FOXK1: variants seen among roughly 807,000 people sequenced by gnomAD.
FOXK1 encodes forkhead box protein K1.
FOXK1 carries 19 observed loss-of-function variants against 51.9 expected under a neutral mutation model. That is an observed-to-expected ratio of 0.37 (90% CI 0.26 to 0.54). The LOEUF (loss-of-function observed/expected upper bound fraction) is 0.54. FOXK1 is among the 20% of genes least tolerant of loss of function. The pLI is 0.87. For synonymous variants in FOXK1, 537 were observed against 482.6 expected, an observed-to-expected ratio of 1.11 and a Z score of -1.48; for missense variants, 870 against 1,032.7, an observed-to-expected ratio of 0.84 and a Z score of 2.16.
chr7:4,757,474 T>C (rs1015128933), intron 5 of FOXK1, among the ~76,000 whole-genome samples: 1 of 150,946 alleles, frequency 6.6e-6, no homozygotes, highest in African/African-American at 2.4e-5. Context: ...ACTAAAAAAA[T>C]TCAAAATTAG....
chr7:4,730,436 G>A lies in FOXK1; in HGVS notation c.561-10402G>A, dbSNP rs577576046. Among the ~76,000 whole-genome samples the A allele has an allele frequency of 6.6e-6, 1 of 152,230 alleles. No homozygotes were observed. The highest frequency in any genetic ancestry group is 1.5e-5 in the Non-Finnish European group (1 of 68,032). ...GCATGGACCCAAAAGTGGAGTCACG[G>A]TTGCAGCTCTGGTTCCTGGAGGAGG... On this transcript the variant is annotated intron_variant, in intron 1 of 8. Transcript: ENST00000328914. The surrounding 1 kb of genome is among the most constrained non-coding windows in gnomAD (Gnocchi z 4.7).
chr7:4,722,093 G>A lies in FOXK1; in HGVS notation c.561-18745G>A, dbSNP rs550876569. Among the ~76,000 whole-genome samples, 44 of 152,296 alleles carry A rather than the reference G, an allele frequency of 2.9e-4. No homozygotes were observed. The highest frequency in any genetic ancestry group is 1.7e-3 in the Admixed American group (26 of 15,302). Reference sequence around the variant, plus strand: ...GCAGCCTCATGCCTGTGGGTGGGACGTGCTAGAGGAGGGGACTTTGGTGGG... The same window carrying A: ...GCAGCCTCATGCCTGTGGGTGGGACATGCTAGAGGAGGGGACTTTGGTGGG... On this transcript the variant is annotated intron_variant, in intron 1 of 8. Coordinates refer to ENST00000328914, the MANE Select transcript of FOXK1 (RefSeq NM_001037165.2). The surrounding 1 kb of genome is among the most constrained non-coding windows in gnomAD (Gnocchi z 5.1).
At chr7:4,754,758 G>A in intron 3 of FOXK1, 143 bp downstream of exon 3, 1 of 1,062,986 alleles carries the variant, frequency 9.4e-7, no homozygotes, top group East Asian at 2.6e-5. Flanking sequence ...GCCGCAGCTG[G>A]CGGTAGAGCC....
At position 4,755,777 on chromosome 7, in the gene FOXK1, G is replaced by A. The variant is rs1780838863; in HGVS notation, c.1050+394G>A. Among the ~76,000 whole-genome samples the A allele has an allele frequency of 6.6e-6, 1 of 152,176 alleles. No individual in the cohort carries two copies. The highest frequency in any genetic ancestry group is 1.5e-5 in the Non-Finnish European group (1 of 68,030). On this transcript the variant is annotated intron_variant, in intron 4 of 8. Coordinates refer to ENST00000328914, the MANE Select transcript of FOXK1 (RefSeq NM_001037165.2). This position sits in a 1 kb window ranked among gnomAD's most constrained non-coding sequence, Gnocchi z 6.6. ...TTTAACTAAGAAGATAAATATAAAA[G>A]AGGGATGTTTTCACGAATGGCATAT...
chr7:4,690,852 C>T (rs893404937), intron 1 of FOXK1, among the ~76,000 whole-genome samples: 3 of 152,126 alleles, frequency 2.0e-5, no homozygotes, highest in African/African-American at 7.2e-5. Flanking sequence ...GATAAACTTG[C>T]TAAATTAATG....
rs1027738777 is a variant in FOXK1 at position 4,747,638 on chromosome 7, C to T, written c.746+6615C>T. 2.0e-5 allele frequency among the ~76,000 whole-genome samples: 3 copies of T among 151,992 alleles called. No homozygotes were observed. Among genetic ancestry groups the T allele is most frequent in the African/African-American group, 7.3e-5 (3 of 41,358 alleles). ...GCAACCTCAACCTCCCGGGCTCAAG[C>T]GATCCTCCCACTGCAGCCTCCTGAG... is the stretch of plus-strand genomic sequence containing the variant. On this transcript the variant is annotated intron_variant, in intron 2 of 8. Transcript: ENST00000328914. The surrounding 1 kb of genome is among the most constrained non-coding windows in gnomAD (Gnocchi z 9.2).
intron 1 of FOXK1, among the ~76,000 whole-genome samples, chr7:4,684,813 G>C (rs780803148): frequency 2.6e-5 from 4 of 152,318 alleles, no homozygotes; most frequent in Non-Finnish European, 5.9e-5. Context: ...AGTGAATCTT[G>C]AAGGAGGCTT....
At chr7:4,701,507 A>G (rs893922740) in intron 1 of FOXK1, among the ~76,000 whole-genome samples, 3 of 152,100 alleles carry the variant, frequency 2.0e-5, no homozygotes, top group African/African-American at 4.8e-5. Context: ...AGTAATCCCA[A>G]CACTTTGGGA....
intron 1 of FOXK1, among the ~76,000 whole-genome samples, chr7:4,717,295 G>A (rs538844713): frequency 2.0e-5 from 3 of 147,980 alleles, no homozygotes; most frequent in Non-Finnish European, 1.5e-5. Flanking sequence ...AGCAGGAGGC[G>A]TGTGGATGGA....
Position 4,761,995 on chromosome 7 carries a change from C to G in FOXK1, c.1922-189C>G, listed in dbSNP as rs1425771444. Among the ~76,000 whole-genome samples, 1 of 152,096 alleles carries G rather than the reference C, an allele frequency of 6.6e-6. No homozygotes were observed. Among genetic ancestry groups the G allele is most frequent in the Non-Finnish European group, 1.5e-5 (1 of 68,020 alleles). The stretch of plus-strand genomic sequence containing the variant: ...CCCAACAGGCTGGAGCCAGCAGAGA[C>G]AGGGCAGATGAGGTGGGGAGGGGAC... On this transcript the variant is annotated intron_variant, in intron 8 of 8. Coordinates refer to ENST00000328914, the MANE Select transcript of FOXK1 (RefSeq NM_001037165.2). The surrounding 1 kb of genome is among the most constrained non-coding windows in gnomAD (Gnocchi z 6.2).
At chr7:4,686,220 C>T (rs1348723964) in intron 1 of FOXK1, among the ~76,000 whole-genome samples, 3 of 152,094 alleles carry the variant, frequency 2.0e-5, no homozygotes, top group Non-Finnish European at 4.4e-5. Flanking sequence ...TTGCCTTGGA[C>T]GTGCTTGGAT....
chr7:4,740,110 C>T lies in FOXK1; in HGVS notation c.561-728C>T, dbSNP rs532690457. Among the ~76,000 whole-genome samples, 14 of 151,908 alleles carry T rather than the reference C, an allele frequency of 9.2e-5. No individual in the cohort carries two copies. In the South Asian group the frequency reaches 2.7e-3, roughly 29 times the overall value. On this transcript the variant is annotated intron_variant, in intron 1 of 8. Transcript: ENST00000328914. ...AGGAGTTCGAGACCAGCCTGGCCAA[C>T]GTGGTGAAACCCCGTCTCTACTAAA...
Position 4,753,059 on chromosome 7 carries a change from C to A in FOXK1, c.747-1400C>A, listed in dbSNP as rs1780799394. 6.6e-6 allele frequency among the ~76,000 whole-genome samples: 1 copy of A among 152,228 alleles called. No homozygotes were observed. The highest frequency in any genetic ancestry group is 6.5e-5 in the Admixed American group (1 of 15,280). On this transcript the variant is annotated intron_variant, in intron 2 of 8. Transcript: ENST00000328914. The surrounding 1 kb of genome is among the most constrained non-coding windows in gnomAD (Gnocchi z 4.9). The stretch of plus-strand genomic sequence containing the variant: ...TAAGTTTCGACACGTGTGGAACTTA[C>A]CTATCTCTGCCATATTTGGGGAGTC...
chr7:4,686,796 T>C (rs1449394239), intron 1 of FOXK1, among the ~76,000 whole-genome samples: 2 of 150,790 alleles, frequency 1.3e-5, no homozygotes, highest in Admixed American at 6.6e-5. Context: ...CGATTTAGTC[T>C]GGTGTCCTAA....
intron 1 of FOXK1, among the ~76,000 whole-genome samples, chr7:4,727,032 A>G (rs2115052044): frequency 6.6e-6 from 1 of 152,286 alleles, no homozygotes; most frequent in South Asian, 2.1e-4. Context: ...GCAGCCTTGA[A>G]TTCCTGGGCT....
At chr7:4,692,812 G>C (rs1174940382) in intron 1 of FOXK1, among the ~76,000 whole-genome samples, 8 of 150,082 alleles carry the variant, frequency 5.3e-5, no homozygotes, top group Admixed American at 5.3e-4. Flanking sequence ...CTGCAGCCTT[G>C]ACCTCCTGGG....
intron 1 of FOXK1, among the ~76,000 whole-genome samples, chr7:4,689,276 C>T (rs1157342223): frequency 6.6e-6 from 1 of 152,158 alleles, no homozygotes; most frequent in Non-Finnish European, 1.5e-5. Context: ...CTGCACCCGG[C>T]CACCGGTACT....
chr7:4,696,066 A>C (rs1271154610), intron 1 of FOXK1, among the ~76,000 whole-genome samples: 1 of 151,418 alleles, frequency 6.6e-6, no homozygotes, highest in African/African-American at 2.4e-5. Flanking sequence ...TAGTGAGCTA[A>C]GGATGCACCA....
rs769440921 is a variant in FOXK1 at position 4,757,166 on chromosome 7, C to T, written c.1223C>T (p.Pro408Leu). 2 of 1,609,326 alleles carry T rather than the reference C, an allele frequency of 1.2e-6. No individual in the cohort carries two copies. The highest frequency in any genetic ancestry group is 1.7e-6 in the Non-Finnish European group (2 of 1,178,430). The change falls in exon 5 of 9, where the codon CCC (proline) becomes CTC (leucine). Residue 408 changes from proline to leucine, a missense_variant. Around this residue, in one of 3 missense-constraint regions of FOXK1, gnomAD observed 457 missense variants for 510.8 expected, o/e 0.89. Transcript: ENST00000328914. ...AGGGGTGTCTCCTGCTTCCGCACCCCCTTCGGGCCTCTGTCCTCAAGGTAA... is the reference window on the plus strand; with the variant it reads ...AGGGGTGTCTCCTGCTTCCGCACCCTCTTCGGGCCTCTGTCCTCAAGGTAA... The part of the protein sequence containing the change: ...RQRGVSCFRT[P>L]FGPLSSRSAP...
Sources: allele counts gnomAD v4.1 joint callset (sites outside exome capture counted in the v4.1 genomes callset), GRCh38; gene constraint gnomAD v4.1.1; regional missense constraint gnomAD v4.1.1; non-coding constraint Gnocchi (gnomAD v3.1); transcripts MANE v1.5; gene names NCBI Gene and HGNC (gene_info 2026-07-23, HGNC 2026-07-21).